RBFOX1: variants seen among roughly 807,000 people sequenced by gnomAD.
The protein encoded by RBFOX1 is RNA binding protein fox-1 homolog 1.
RBFOX1 carries 8 observed loss-of-function variants against 57.7 expected under a neutral mutation model. The ratio of observed to expected loss-of-function variants is 0.14; its 90% confidence interval spans 0.08 to 0.25. RBFOX1 has a LOEUF of 0.25. Ranked by LOEUF, RBFOX1 falls within the 10% of genes least tolerant of loss-of-function variation. RBFOX1 has a pLI of 1.00. For synonymous variants in RBFOX1, 326 were observed against 222.4 expected (o/e 1.47, Z -4.15); for missense variants, 611 against 548.5 (o/e 1.11, Z -1.14).
intron 4 of RBFOX1, among the ~76,000 whole-genome samples, chr16:7,328,068 C>G (rs1022440251): frequency 4.6e-5 from 7 of 152,154 alleles, no homozygotes; most frequent in Non-Finnish European, 1.0e-4. Flanking sequence ...CTTATGTTGG[C>G]TCTCTTTGTT....
chr16:6,032,929 A>G (rs12932768), intron 1 of RBFOX1, among the ~76,000 whole-genome samples: 26,324 of 150,904 alleles, frequency 0.17, 2,824 homozygotes, highest in Middle Eastern at 0.25. Context: ...TCAGGTGCCA[A>G]TAATAGCTTA....
At chr16:5,862,206 C>G (rs1360633724) in intron 3 of RBFOX1, among the ~76,000 whole-genome samples, 1 of 152,220 alleles carries the variant, frequency 6.6e-6, no homozygotes, top group Non-Finnish European at 1.5e-5. Context: ...ATGTGAATGA[C>G]TAGCAACAGA....
intron 3 of RBFOX1, among the ~76,000 whole-genome samples, chr16:6,804,937 G>T (rs921185433): frequency 3.3e-5 from 5 of 152,194 alleles, no homozygotes; most frequent in African/African-American, 1.2e-4. Context: ...CTCATATGCT[G>T]TTGGTCGGAG....
intron 3 of RBFOX1, among the ~76,000 whole-genome samples, chr16:6,939,237 G>C (rs572858326): frequency 6.6e-6 from 1 of 152,078 alleles, no homozygotes; most frequent in South Asian, 2.1e-4. Context: ...AACCATAAAG[G>C]TTTCCCCACT....
intron 3 of RBFOX1, among the ~76,000 whole-genome samples, chr16:6,864,026 A>G (rs1280501251): frequency 6.7e-6 from 1 of 148,806 alleles, no homozygotes; most frequent in Non-Finnish European, 1.5e-5. Context: ...GCCTTGCAAA[A>G]CCTCTAATTA....
At chr16:5,453,716 C>G (rs1203370994) in intron 1 of RBFOX1, among the ~76,000 whole-genome samples, 1 of 152,162 alleles carries the variant, frequency 6.6e-6, no homozygotes, top group East Asian at 1.9e-4. Context: ...GTACTTCTTC[C>G]CAGACCAGGT....
chr16:5,808,565 T>G (rs890735404), intron 3 of RBFOX1, among the ~76,000 whole-genome samples: 7 of 152,220 alleles, frequency 4.6e-5, no homozygotes, highest in Non-Finnish European at 8.8e-5. Context: ...GGAATGTTCT[T>G]CCATTTGTTT....
At chr16:6,600,817 AGAT>A (rs1174788009) in intron 2 of RBFOX1, among the ~76,000 whole-genome samples, 2 of 144,826 alleles carry the variant, frequency 1.4e-5, no homozygotes, top group Non-Finnish European at 3.1e-5. Flanking sequence ...AAGAAAAAAA[AGAT>A]AGAAAAAAAA....
chr16:5,610,112 C>G (rs762482464), intron 3 of RBFOX1, among the ~76,000 whole-genome samples: 4 of 152,128 alleles, frequency 2.6e-5, no homozygotes, highest in African/African-American at 9.7e-5. Context: ...CCTCCTGCCA[C>G]TGGGAGGGCA....
chr16:7,001,899 G>C (rs1418324598), intron 3 of RBFOX1, among the ~76,000 whole-genome samples: 1 of 152,160 alleles, frequency 6.6e-6, no homozygotes, highest in Non-Finnish European at 1.5e-5. Flanking sequence ...CCCATAGTAA[G>C]CGGGGGTCCC....
intron 1 of RBFOX1, among the ~76,000 whole-genome samples, chr16:6,176,189 C>T (rs1460752374): frequency 4.6e-5 from 7 of 151,946 alleles, no homozygotes; most frequent in East Asian, 1.9e-4. Flanking sequence ...CTGTCACCCA[C>T]GTTGGAGTGC....
intron 4 of RBFOX1, among the ~76,000 whole-genome samples, chr16:7,095,424 C>A: frequency 6.6e-6 from 1 of 152,218 alleles, no homozygotes. Context: ...AGTCATGAGT[C>A]ACTGCGGCCA....
intron 3 of RBFOX1, among the ~76,000 whole-genome samples, chr16:6,978,803 A>G (rs189028554): frequency 7.4e-4 from 113 of 152,330 alleles, no homozygotes; most frequent in Admixed American, 1.6e-3. Context: ...TGTGGCTACA[A>G]TACATTGCCT....
At chr16:6,204,635 C>G (rs929065140) in intron 1 of RBFOX1, among the ~76,000 whole-genome samples, 22 of 152,104 alleles carry the variant, frequency 1.4e-4, no homozygotes, top group African/African-American at 5.3e-4. Flanking sequence ...AATTTGTAGG[C>G]ACATATACAG....
intron 3 of RBFOX1, among the ~76,000 whole-genome samples, chr16:5,734,473 G>A (rs554440663): frequency 6.6e-6 from 1 of 152,306 alleles, no homozygotes; most frequent in Admixed American, 6.5e-5. Flanking sequence ...ATGCTTTCAT[G>A]CTTTAATCCC....
At chr16:7,693,653 A>C (rs564165246) in intron 14 of RBFOX1, among the ~76,000 whole-genome samples, 3 of 152,094 alleles carry the variant, frequency 2.0e-5, no homozygotes, top group African/African-American at 4.8e-5. Flanking sequence ...CTTACAGTAT[A>C]ATCAGTGCTC....
intron 4 of RBFOX1, among the ~76,000 whole-genome samples, chr16:7,492,634 C>T (rs2067286744): frequency 6.6e-6 from 1 of 152,216 alleles, no homozygotes. Context: ...GGACTTAGGG[C>T]CTGGTGGGAG....
At chr16:5,288,515 G>A (rs1465868781) in intron 1 of RBFOX1, among the ~76,000 whole-genome samples, 4 of 151,896 alleles carry the variant, frequency 2.6e-5, no homozygotes, top group Non-Finnish European at 5.9e-5. Flanking sequence ...AAAACAAAAG[G>A]TCTTTGTGTC....
At chr16:7,230,863 C>G (rs1429954973) in intron 4 of RBFOX1, among the ~76,000 whole-genome samples, 12 of 152,114 alleles carry the variant, frequency 7.9e-5, no homozygotes, top group Admixed American at 7.2e-4. Context: ...TCATTTTATT[C>G]CTGGACTATA....
Sources: gnomAD v4.1 joint callset for allele counts (sites outside exome capture counted in the v4.1 genomes callset) on GRCh38, gnomAD v4.1.1 for gene constraint, MANE v1.5 for transcripts, NCBI Gene and HGNC (gene_info 2026-07-23, HGNC 2026-07-21) for gene names.